PRELID2: variants seen among roughly 807,000 people sequenced by gnomAD.
The protein encoded by PRELID2 is PRELI domain-containing protein 2.
A neutral mutation model predicts 28.4 loss-of-function variants in PRELID2; 25 were observed. The ratio of observed to expected loss-of-function variants is 0.88; its 90% confidence interval spans 0.64 to 1.23. PRELID2 has a LOEUF of 1.23. PRELID2 is among the 50% of genes most tolerant of loss of function. PRELID2 has a pLI of 0.00. For synonymous variants in PRELID2, 76 were observed against 71.6 expected (o/e 1.06, Z -0.31); for missense variants, 201 against 214.4 (o/e 0.94, Z 0.39).
chr5:145,583,677 A>T (rs754730391), intron 1 of PRELID2, among the ~76,000 whole-genome samples: 3 of 152,068 alleles, frequency 2.0e-5, no homozygotes, highest in Non-Finnish European at 4.4e-5. Flanking sequence ...TTATGAATTA[A>T]CTCCCATTCA....
chr5:145,713,664 AGT>A (rs1297659334), intron 1 of PRELID2, among the ~76,000 whole-genome samples: 1 of 97,384 alleles, frequency 1.0e-5, no homozygotes, highest in South Asian at 3.7e-4. Context: ...AAGTATATAT[AGT>A]GTGTGTATAT....
intron 1 of PRELID2, among the ~76,000 whole-genome samples, chr5:145,645,008 A>G (rs1353564723): frequency 1.3e-5 from 2 of 152,188 alleles, no homozygotes; most frequent in Non-Finnish European, 2.9e-5. Flanking sequence ...TGGGGTGAAG[A>G]GTTCTGTAGA....
At chr5:145,493,408 C>T (rs1056808669) in intron 1 of PRELID2, among the ~76,000 whole-genome samples, 7 of 152,316 alleles carry the variant, frequency 4.6e-5, no homozygotes, top group African/African-American at 7.2e-5. Context: ...ACCAACTAAA[C>T]GTGATTTTCA....
the PRELID2 span, among the ~76,000 whole-genome samples, chr5:145,364,298 G>A: frequency 6.6e-6 from 1 of 151,784 alleles, no homozygotes; most frequent in Non-Finnish European, 1.5e-5. Flanking sequence ...TATATTTTTG[G>A]CATCTGGGGG....
chr5:145,389,233 G>A, the PRELID2 span, among the ~76,000 whole-genome samples: 1 of 152,092 alleles, frequency 6.6e-6, no homozygotes, highest in Admixed American at 6.5e-5. Context: ...ACTCAAAAAT[G>A]ACTGATTGAT....
chr5:145,592,558 T>C (rs1272022635), intron 1 of PRELID2, among the ~76,000 whole-genome samples: 1 of 152,144 alleles, frequency 6.6e-6, no homozygotes, highest in Non-Finnish European at 1.5e-5. Context: ...GTGCAAAATC[T>C]GCTACTCTAC....
chr5:145,609,316 T>C (rs1219403280), intron 1 of PRELID2, among the ~76,000 whole-genome samples: 2 of 152,200 alleles, frequency 1.3e-5, no homozygotes, highest in Non-Finnish European at 2.9e-5. Flanking sequence ...AGTGTGGTTG[T>C]TTGGAGGTAA....
chr5:145,607,065 A>G (rs1307206667), intron 1 of PRELID2, among the ~76,000 whole-genome samples: 2 of 151,916 alleles, frequency 1.3e-5, no homozygotes, highest in African/African-American at 4.8e-5. Flanking sequence ...AGATTTTTAT[A>G]TTTCTGTGGG....
chr5:145,481,117 A>T (rs906840380), intron 1 of PRELID2, among the ~76,000 whole-genome samples: 2 of 152,136 alleles, frequency 1.3e-5, no homozygotes, highest in African/African-American at 4.8e-5. Context: ...TTATCGTAAG[A>T]TAAAAGCCCT....
chr5:145,632,490 A>G (rs1753946657), intron 1 of PRELID2, among the ~76,000 whole-genome samples: 1 of 152,208 alleles, frequency 6.6e-6, no homozygotes. Flanking sequence ...CTTCTTGTAT[A>G]TAGAGAATTT....
the PRELID2 span, among the ~76,000 whole-genome samples, chr5:145,358,025 C>T: frequency 6.6e-6 from 1 of 151,914 alleles, no homozygotes; most frequent in African/African-American, 2.4e-5. Context: ...CTTGGACGAG[C>T]CCTCTCTGAT....
At chr5:145,581,038 A>G (rs1753103285) in intron 1 of PRELID2, among the ~76,000 whole-genome samples, 1 of 151,548 alleles carries the variant, frequency 6.6e-6, no homozygotes, top group Admixed American at 6.6e-5. Context: ...TTCTCCTTTT[A>G]TTCCCTTCCT....
At chr5:145,699,075 A>G (rs1012477377) in intron 1 of PRELID2, among the ~76,000 whole-genome samples, 2 of 152,170 alleles carry the variant, frequency 1.3e-5, no homozygotes, top group African/African-American at 2.4e-5. Context: ...GCAATTCAAC[A>G]TAAGAATCTT....
At chr5:145,561,785 A>G (rs1752927795) in intron 1 of PRELID2, among the ~76,000 whole-genome samples, 1 of 152,216 alleles carries the variant, frequency 6.6e-6, no homozygotes, top group Non-Finnish European at 1.5e-5. Flanking sequence ...ATACATTTGC[A>G]TGAATGCCTC....
At chr5:145,595,348 T>A (rs1419169443) in intron 1 of PRELID2, among the ~76,000 whole-genome samples, 1 of 152,136 alleles carries the variant, frequency 6.6e-6, no homozygotes, top group African/African-American at 2.4e-5. Flanking sequence ...CAAAGTCTTT[T>A]AAGCCTTCGT....
intron 1 of PRELID2, among the ~76,000 whole-genome samples, chr5:145,610,386 G>A (rs1753596462): frequency 6.6e-6 from 1 of 152,088 alleles, no homozygotes; most frequent in African/African-American, 2.4e-5. Flanking sequence ...GTGCTCATGA[G>A]CTGCTTCTAG....
intron 4 of PRELID2, among the ~76,000 whole-genome samples, chr5:145,807,194 T>C (rs746588713): frequency 6.6e-5 from 10 of 152,314 alleles, no homozygotes; most frequent in South Asian, 2.1e-4. Context: ...TACAATCTTA[T>C]GGTACCACCT....
At chr5:145,470,593 T>TA (rs1159773862), downstream of PRELID2, among the ~76,000 whole-genome samples, 1 of 152,090 alleles carries the variant, frequency 6.6e-6, no homozygotes, top group Non-Finnish European at 1.5e-5. Flanking sequence ...TGGGAAATGA[T>TA]AGAGCAGGGA....
intron 1 of PRELID2, among the ~76,000 whole-genome samples, chr5:145,587,440 C>G (rs1179476957): frequency 2.0e-5 from 3 of 152,100 alleles, no homozygotes; most frequent in Non-Finnish European, 2.9e-5. Context: ...TTCTCCTCTT[C>G]ATGCATCTTC....
Sources: allele counts gnomAD v4.1 joint callset (sites outside exome capture counted in the v4.1 genomes callset), GRCh38; gene constraint gnomAD v4.1.1; transcripts MANE v1.5; gene names NCBI Gene and HGNC (gene_info 2026-07-23, HGNC 2026-07-21).